MBD5: variants seen among roughly 807,000 people sequenced by gnomAD.
MBD5 encodes methyl-CpG-binding domain protein 5.
In MBD5, 13 loss-of-function variants were observed where a neutral mutation model predicts 117.3. That is an observed-to-expected ratio of 0.11 (90% confidence interval 0.07 to 0.18). The LOEUF (loss-of-function observed/expected upper bound fraction) is 0.18. Ranked by LOEUF, MBD5 falls within the 10% of genes least tolerant of loss-of-function variation. MBD5 has a pLI of 1.00. For synonymous variants in MBD5, 727 were observed against 766.4 expected, an observed-to-expected ratio of 0.95 and a Z score of 0.85; for missense variants, 1,879 against 2,093.8, an observed-to-expected ratio of 0.90 and a Z score of 2.00.
intron 1 of MBD5, among the ~76,000 whole-genome samples, chr2:148,053,499 A>G (rs1294144239): frequency 6.6e-6 from 1 of 151,126 alleles, no homozygotes; most frequent in Non-Finnish European, 1.5e-5. Context: ...TATCTGCTTG[A>G]CTCCTCCCAG....
At chr2:148,186,771 A>G (rs1483107800) in intron 2 of MBD5, among the ~76,000 whole-genome samples, 3 of 152,134 alleles carry the variant, frequency 2.0e-5, no homozygotes, top group African/African-American at 4.8e-5. Flanking sequence ...GCCAAGAATT[A>G]TAAGACATGA....
chr2:148,376,697 A>G lies in MBD5; in HGVS notation c.-557+34361A>G, dbSNP rs111719341. Among the ~76,000 whole-genome samples, 667 of 144,370 alleles carry G rather than the reference A, an allele frequency of 4.6e-3. 3 individuals carry two copies. The highest frequency in any genetic ancestry group is 0.016 in the African/African-American group (643 of 39,176). The allele number at this position is 144,370 out of a possible 152,430, so 94.7% of individuals were successfully genotyped here. ...GGTTCTCTAGAGGGGCAGAACTGAT[A>G]GGATATATATATCCTATTATATATC... On this transcript the variant is annotated intron_variant, in intron 4 of 13. Transcript: ENST00000642680.
At chr2:148,386,370 T>C (rs928440456) in intron 4 of MBD5, among the ~76,000 whole-genome samples, 10 of 152,026 alleles carry the variant, frequency 6.6e-5, no homozygotes, top group African/African-American at 2.4e-4. Context: ...ATAAGTGATA[T>C]GATTAAAAAA....
chr2:148,336,535 C>A (rs998847653), intron 3 of MBD5, among the ~76,000 whole-genome samples: 1 of 152,064 alleles, frequency 6.6e-6, no homozygotes, highest in Non-Finnish European at 1.5e-5. Flanking sequence ...TACCAGCATG[C>A]ACCACCACAC....
chr2:148,158,354 C>T lies in MBD5; in HGVS notation c.-924-20346C>T, dbSNP rs1488035894. Among the ~76,000 whole-genome samples the T allele has an allele frequency of 3.9e-5, 6 of 152,176 alleles. No homozygotes were observed. The East Asian group carries it at 1.2e-3, about 29-fold the overall frequency. ...GACCTAAAGAAAATTATAAGTATTA[C>T]TTGAACGCCTTTAAGCACATGAAGC... is the stretch of plus-strand genomic sequence containing the variant. On this transcript the variant is annotated intron_variant, in intron 1 of 13. Coordinates refer to ENST00000642680, the MANE Select transcript of MBD5 (RefSeq NM_001378120.1).
chr2:148,484,673 C>T (rs931257274), intron 9 of MBD5, among the ~76,000 whole-genome samples: 1 of 152,102 alleles, frequency 6.6e-6, no homozygotes, highest in Non-Finnish European at 1.5e-5. Flanking sequence ...AACAGACAGC[C>T]CCTCTAGCTG....
intron 3 of MBD5, among the ~76,000 whole-genome samples, chr2:148,245,391 A>G (rs953831983): frequency 3.3e-5 from 5 of 152,008 alleles, no homozygotes; most frequent in Non-Finnish European, 7.4e-5. Flanking sequence ...ATTCCTGGCT[A>G]ATGTTTTGTA....
intron 1 of MBD5, among the ~76,000 whole-genome samples, chr2:148,144,364 T>C (rs1401540170): frequency 6.6e-6 from 1 of 152,112 alleles, no homozygotes; most frequent in Non-Finnish European, 1.5e-5. Flanking sequence ...GTCAGATGAG[T>C]AGATTGCAAA....
At chr2:148,341,307 T>C (rs1702940545) in intron 3 of MBD5, among the ~76,000 whole-genome samples, 1 of 151,796 alleles carries the variant, frequency 6.6e-6, no homozygotes, top group Admixed American at 6.6e-5. Context: ...TTTTCTTACT[T>C]CTTTGTTGCT....
rs1421610902 is a variant in MBD5, at chr2:148,483,559, G to A, written c.2968G>A (p.Ala990Thr). Residue 990 changes from alanine to threonine, a missense_variant, in exon 9 of 14, where the codon GCA (alanine) becomes ACA (threonine). Physicochemically the swap from Ala to Thr is moderately conservative, Grantham distance 58 (BLOSUM62 0). Transcript: ENST00000642680. ...GCAGCCTGTTCACTTTCAGCTCTTA[G>A]CAGCCTTGCTTCAGAACCAAGCCCA... ...VLQPVHFQLL[A>T]ALLQNQAQAA... 8 of 1,574,262 alleles carry A rather than the reference G, an allele frequency of 5.1e-6. No homozygotes were observed. The African/African-American group carries it at 9.5e-5, about 19-fold the overall frequency.
intron 1 of MBD5, among the ~76,000 whole-genome samples, chr2:148,118,435 A>AATAT (rs1553474121): frequency 0.011 from 1,574 of 148,550 alleles, 34 homozygotes; most frequent in African/African-American, 0.037. Context: ...CATAAAAAAA[A>AATAT]ATATATATAT....
chr2:148,458,571 T>C lies in MBD5; in HGVS notation c.-188T>C. ...TTTAATGTAGATTATAATGGGAAGC[T>C]GATTTTTTTCACAATGGCATATTTC... is the stretch of plus-strand genomic sequence containing the variant. On this transcript the variant is annotated 5_prime_UTR_variant, in exon 5 of 14. An upstream open reading frame in the 5' UTR loses its in-frame stop. Coordinates refer to ENST00000642680, the MANE Select transcript of MBD5 (RefSeq NM_001378120.1). The C allele has an allele frequency of 1.6e-6, 1 of 625,944 alleles. No homozygotes were observed. 38.8% of individuals were successfully genotyped at this position (625,944 alleles called of 1,614,324 possible).
intron 3 of MBD5, among the ~76,000 whole-genome samples, chr2:148,306,382 T>C (rs938331758): frequency 2.0e-5 from 3 of 152,232 alleles, no homozygotes; most frequent in African/African-American, 2.4e-5. Context: ...TTCTAAAATA[T>C]GCCATTCCAG....
intron 3 of MBD5, among the ~76,000 whole-genome samples, chr2:148,298,111 G>A (rs983452345): frequency 1.3e-5 from 2 of 152,206 alleles, no homozygotes; most frequent in Non-Finnish European, 2.9e-5. Flanking sequence ...GTGAGCTGGG[G>A]CATGGATGCT....
At chr2:148,433,355 C>G (rs182089860) in intron 4 of MBD5, among the ~76,000 whole-genome samples, 125 of 152,224 alleles carry the variant, frequency 8.2e-4, no homozygotes, top group African/African-American at 2.9e-3. Flanking sequence ...TTTCTCTTTA[C>G]TGATTGCCCT....
chr2:148,274,193 T>A (rs1229464912), intron 3 of MBD5, among the ~76,000 whole-genome samples: 2 of 152,146 alleles, frequency 1.3e-5, no homozygotes, highest in Non-Finnish European at 2.9e-5. Flanking sequence ...CTTTCTACTA[T>A]TCTTATCCTC....
intron 12 of MBD5, among the ~76,000 whole-genome samples, chr2:148,503,851 C>G (rs1446593500): frequency 6.6e-6 from 1 of 152,172 alleles, no homozygotes; most frequent in Non-Finnish European, 1.5e-5. Flanking sequence ...TGCAAATTAC[C>G]TACACCACAA....
intron 3 of MBD5, among the ~76,000 whole-genome samples, chr2:148,322,450 G>A (rs531073580): frequency 2.0e-5 from 3 of 152,032 alleles, no homozygotes; most frequent in African/African-American, 4.8e-5. Context: ...GTTAAATTTC[G>A]TTAGTTTCTA....
chr2:148,107,948 T>C (rs1170637376), intron 1 of MBD5, among the ~76,000 whole-genome samples: 5 of 152,202 alleles, frequency 3.3e-5, no homozygotes, highest in Non-Finnish European at 5.9e-5. Flanking sequence ...ATACTATTAA[T>C]GTAGGATCAC....
Sources: allele counts gnomAD v4.1 joint callset (sites outside exome capture counted in the v4.1 genomes callset), GRCh38; gene constraint gnomAD v4.1.1; transcripts MANE v1.5; gene names NCBI Gene and HGNC (gene_info 2026-07-23, HGNC 2026-07-21).